The following PRAMEF15 variants were observed in gnomAD, a reference collection of about 807,000 sequenced individuals.
PRAMEF15 encodes PRAME family member 15.
PRAMEF15 carries 21 observed loss-of-function variants against 35.3 expected under a neutral mutation model. The ratio of observed to expected loss-of-function variants is 0.59; its 90% CI spans 0.42 to 0.86. The LOEUF (loss-of-function observed/expected upper bound fraction) is 0.86. Ranked by LOEUF, PRAMEF15 falls within the 40% of genes least tolerant of loss-of-function variation. PRAMEF15 has a pLI of 0.00. For missense variants in PRAMEF15, 360 were observed against 574.1 expected (o/e 0.63, Z 3.81); for synonymous variants, 122 against 223.3 (o/e 0.55, Z 4.05).
intron 3 of PRAMEF15, among the ~76,000 whole-genome samples, chr1:13,321,232 C>T (rs1193103382): frequency 1 from 140,749 of 141,342 alleles, 70,078 homozygotes; most frequent in South Asian, 1. Flanking sequence ...TTTTTTTTTT[C>T]AAAACAGAGT....
rs1292642476 is a variant in PRAMEF15 at position 13,322,176 on chromosome 1, C to A, written c.1349C>A (p.Pro450His). ...LMNRVRDLRH[P>H]KRILFCTDYC... ...AACAGAGTGAGGGACTTAAGGCACC[C>A]CAAGAGGATCTTGTTCTGTACTGAC... The change falls in exon 4 of 4, where the codon CCC (proline) becomes CAC (histidine). Residue 450 changes from proline (P) to histidine (H), a missense_variant. Pro to His is a moderately conservative substitution (Grantham distance 77, BLOSUM62 -2). Coordinates refer to ENST00000376152, the MANE Select transcript of PRAMEF15 (RefSeq NM_001098376.3). The A allele has an allele frequency of 2.2e-5, 36 of 1,608,338 alleles. No individual in the cohort carries two copies. Among genetic ancestry groups the A allele is most frequent in the Non-Finnish European group, 2.9e-5 (34 of 1,179,080 alleles).
At chr1:13,316,137 G>T (rs1639999538) in intron 1 of PRAMEF15, among the ~76,000 whole-genome samples, 1 of 151,474 alleles carries the variant, frequency 6.6e-6, no homozygotes, top group African/African-American at 2.4e-5. Flanking sequence ...CTCAGAAGCT[G>T]GTGTCACAGA....
chr1:13,317,532 C>A (rs1311209122), intron 1 of PRAMEF15, among the ~76,000 whole-genome samples: 2 of 151,812 alleles, frequency 1.3e-5, no homozygotes, highest in Non-Finnish European at 2.9e-5. Context: ...TGTTGGGAGG[C>A]CAAGAGGGGT....
chr1:13,321,150 C>A (rs1640078673), intron 3 of PRAMEF15, among the ~76,000 whole-genome samples: 1 of 151,082 alleles, frequency 6.6e-6, no homozygotes, highest in South Asian at 2.1e-4. Flanking sequence ...TTTAGGGATT[C>A]TGTGAACTTG....
Position 13,320,577 on chromosome 1 carries a change from C to T in PRAMEF15, c.875+624C>T, listed in dbSNP as rs1277071912. Among the ~76,000 whole-genome samples, 5 of 152,020 alleles carry T rather than the reference C, an allele frequency of 3.3e-5. 1 individual carries two copies. The highest frequency in any genetic ancestry group is 7.4e-5 in the Non-Finnish European group (5 of 68,012). The stretch of plus-strand genomic sequence containing the variant: ...TGCCTGGGATTACAGGCGTGAGCCA[C>T]CACACCTGGCTAATTTTTATATTTT... On this transcript the variant is annotated intron_variant, in intron 3 of 3. Transcript: ENST00000376152.
At position 13,322,470 on chromosome 1, in the gene PRAMEF15, G is replaced by A. The variant is rs1357929190; in HGVS notation, c.*206G>A. 1,168 of 812,782 alleles carry A rather than the reference G, an allele frequency of 1.4e-3. 10 individuals carry two copies. Among genetic ancestry groups the A allele is most frequent in the Non-Finnish European group, 1.7e-3 (918 of 526,970 alleles). 50.3% of individuals were successfully genotyped at this position (812,782 alleles called of 1,614,324 possible). A position where few individuals can be genotyped will look rare whatever the true frequency, so the allele number is the denominator to read the frequency against. On this transcript the variant is annotated 3_prime_UTR_variant, in exon 4 of 4. Transcript: ENST00000376152. The stretch of plus-strand genomic sequence containing the variant: ...ATTCGATGGGACTTTGGGGACCTGT[G>A]TCCTGTAGATTCGAAAATGGGAATC...
At chr1:13,320,874 T>G (rs1640074949) in intron 3 of PRAMEF15, among the ~76,000 whole-genome samples, 1 of 152,116 alleles carries the variant, frequency 6.6e-6, no homozygotes, top group Non-Finnish European at 1.5e-5. Context: ...AATTCCCTGT[T>G]GTAAAAGTTT....
chr1:13,315,947 C>T (rs1346473518), intron 1 of PRAMEF15, among the ~76,000 whole-genome samples: 5 of 151,508 alleles, frequency 3.3e-5, no homozygotes, highest in African/African-American at 1.2e-4. Flanking sequence ...ATCATTTCAG[C>T]CCAGGGATTT....
Position 13,318,609 on chromosome 1 carries a change from C to A in PRAMEF15, c.202C>A (p.Leu68Met). The change falls in exon 2 of 4, where the codon CTG becomes ATG. Residue 68 changes from leucine (L) to methionine (M), a missense_variant. Physicochemically the swap from Leu to Met is conservative, Grantham distance 15. Transcript: ENST00000376152. ...GGCCTGGCCCTTCCGCCGCCTCCCT[C>A]TGAGGCCTCTGATAAAGATGCCTTG... ...VQAWPFRRLP[L>M]RPLIKMPCLE... is the part of the protein sequence containing the mutation. 1.9e-6 allele frequency: 3 copies of A among 1,613,876 alleles called. No individual in the cohort carries two copies. The Admixed American group carries it at 5.0e-5, about 27-fold the overall frequency.
Position 13,322,527 on chromosome 1 carries a change from A to G in PRAMEF15, c.*263A>G, listed in dbSNP as rs1450871600. On this transcript the variant is annotated 3_prime_UTR_variant, in exon 4 of 4. Transcript: ENST00000376152. Reference sequence around the variant, plus strand: ...TCTAGAGTGGAATTCAGGCTTGAGAATACATGAGGGAGTTACTCTTGCATG... The same window carrying G: ...TCTAGAGTGGAATTCAGGCTTGAGAGTACATGAGGGAGTTACTCTTGCATG... The G allele has an allele frequency of 3.5e-6, 2 of 563,486 alleles. No homozygotes were observed. The highest frequency in any genetic ancestry group is 3.1e-6 in the Non-Finnish European group (1 of 318,760). The allele number at this position is 563,486 out of a possible 1,614,324, so 34.9% of individuals were successfully genotyped here.
intron 1 of PRAMEF15, among the ~76,000 whole-genome samples, chr1:13,316,642 G>A (rs1276536698): frequency 2.0e-5 from 3 of 151,884 alleles, no homozygotes; most frequent in South Asian, 2.1e-4. Flanking sequence ...GCGACGATGT[G>A]AGACTCAGCT....
At chr1:13,318,250 C>T (rs1640032211) in intron 1 of PRAMEF15, 142 bp from the exon 2 acceptor site, 2 of 1,422,510 alleles carry the variant, frequency 1.4e-6, no homozygotes, top group Admixed American at 2.2e-5. Context: ...GGCTTAATGG[C>T]CACTGAGTAC....
chr1:13,317,570 C>A (rs1640022612), intron 1 of PRAMEF15, among the ~76,000 whole-genome samples: 1 of 151,826 alleles, frequency 6.6e-6, no homozygotes, highest in African/African-American at 2.4e-5. Context: ...GAGTTCAAGA[C>A]CAGCTTGGAC....
chr1:13,319,241 G>A, intron 2 of PRAMEF15, 131 bp from the exon 3 acceptor site: 2 of 1,501,352 alleles, frequency 1.3e-6, no homozygotes, highest in Non-Finnish European at 1.8e-6. Flanking sequence ...GGATCCAAGG[G>A]GAAAACAGAG....
chr1:13,320,538 C>A (rs1344999283), intron 3 of PRAMEF15, among the ~76,000 whole-genome samples: 2 of 152,208 alleles, frequency 1.3e-5, no homozygotes, highest in Admixed American at 1.3e-4. Context: ...ATTCTCCTGT[C>A]TCAGCCTCCT....
At chr1:13,320,858 A>G (rs1640074711) in intron 3 of PRAMEF15, among the ~76,000 whole-genome samples, 3 of 152,154 alleles carry the variant, frequency 2.0e-5, no homozygotes, top group Non-Finnish European at 2.9e-5. Context: ...GAATGATCCC[A>G]TCTCTAATTC....
rs1259554923 is a variant in PRAMEF15 at position 13,322,314 on chromosome 1, G to A, written c.*50G>A. 2.5e-6 allele frequency: 3 copies of A among 1,188,612 alleles called. No homozygotes were observed. The highest frequency in any genetic ancestry group is 3.6e-6 in the Non-Finnish European group (3 of 831,172). 73.6% of individuals were successfully genotyped at this position (1,188,612 alleles called of 1,614,324 possible). On this transcript the variant is annotated 3_prime_UTR_variant, in exon 4 of 4. Coordinates refer to ENST00000376152, the MANE Select transcript of PRAMEF15 (RefSeq NM_001098376.3). ...GTCAAACGCTTTCTTCTGGACACTT[G>A]GAAACTAAAACCTAGGTCTTAGGTA...
chr1:13,321,714 C>A lies in PRAMEF15; in HGVS notation c.887C>A (p.Thr296Asn). The change falls in exon 4 of 4, where the codon ACC becomes AAC. Residue 296 changes from threonine (T) to asparagine (N), a missense_variant. By Grantham distance (65) the Thr-to-Asn change is moderately conservative (BLOSUM62 0). Transcript: ENST00000376152. Reference protein sequence around the residue: ...HLDQLLSCLKTSLKVLTITNC... With the variant: ...HLDQLLSCLKNSLKVLTITNC... The stretch of plus-strand genomic sequence containing the variant: ...CTCTCTCTCCCCAGCTGTCTGAAGA[C>A]CTCGTTAAAAGTCCTCACAATAACT... The A allele has an allele frequency of 6.2e-7, 1 of 1,607,696 alleles. No individual in the cohort carries two copies. The highest frequency in any genetic ancestry group is 2.3e-5 in the East Asian group (1 of 43,488).
intron 3 of PRAMEF15, among the ~76,000 whole-genome samples, chr1:13,320,433 T>C (rs1640069028): frequency 1.3e-5 from 2 of 152,032 alleles, no homozygotes; most frequent in African/African-American, 2.4e-5. Flanking sequence ...AGATAACTTT[T>C]TTTTTCTGAG....
Sources: allele counts gnomAD v4.1 joint callset (sites outside exome capture counted in the v4.1 genomes callset), GRCh38; gene constraint gnomAD v4.1.1; transcripts MANE v1.5; gene names NCBI Gene and HGNC (gene_info 2026-07-23, HGNC 2026-07-21).